Variants in CCNY observed in about 807,000 individuals in gnomAD.
The protein encoded by CCNY is cyclin-Y.
A neutral mutation model predicts 42.8 loss-of-function variants in CCNY; 19 were observed. That is an observed-to-expected ratio of 0.44 (90% CI 0.31 to 0.65). CCNY has a LOEUF of 0.65. Among genes scored for constraint, CCNY ranks in the 30% least tolerant of loss-of-function variants. The pLI is 0.07. For synonymous variants in CCNY, 165 were observed against 162.7 expected (o/e 1.01, Z -0.11); for missense variants, 370 against 437.3 (o/e 0.85, Z 1.37).
intron 3 of CCNY, among the ~76,000 whole-genome samples, chr10:35,298,870 A>T (rs945240933): frequency 2.0e-5 from 3 of 152,104 alleles, no homozygotes; most frequent in Non-Finnish European, 4.4e-5. Context: ...CAAGTTATCT[A>T]TTGATGAATA....
chr10:35,423,250 G>A (rs1056628348), intron 1 of CCNY, among the ~76,000 whole-genome samples: 10 of 152,048 alleles, frequency 6.6e-5, no homozygotes, highest in Admixed American at 3.3e-4. Context: ...CGAGGCAGTT[G>A]GATTGCTTGA....
At chr10:35,322,231 C>A (rs1456650019) in intron 3 of CCNY, among the ~76,000 whole-genome samples, 2 of 151,958 alleles carry the variant, frequency 1.3e-5, no homozygotes, top group South Asian at 2.1e-4. Context: ...GTGCTTGCCT[C>A]CTGTAGTCCC....
At chr10:35,389,401 A>G (rs991819823) in intron 1 of CCNY, among the ~76,000 whole-genome samples, 2 of 142,224 alleles carry the variant, frequency 1.4e-5, no homozygotes, top group Non-Finnish European at 3.1e-5. Context: ...CAACTCCCTG[A>G]TTTTACTTAT....
intron 7 of CCNY, among the ~76,000 whole-genome samples, chr10:35,546,450 C>G (rs191310196): frequency 6.6e-6 from 1 of 152,290 alleles, no homozygotes; most frequent in African/African-American, 2.4e-5. Context: ...AATCTGAAAA[C>G]TTAACTGAGT....
At chr10:35,389,363 GTGTT>G (rs1369139888) in intron 1 of CCNY, among the ~76,000 whole-genome samples, 1 of 151,690 alleles carries the variant, frequency 6.6e-6, no homozygotes, top group Non-Finnish European at 1.5e-5. Context: ...TGCTTAGTAA[GTGTT>G]TGCTGAGCTA....
chr10:35,291,087 CCT>C (rs1564359878), intron 3 of CCNY, among the ~76,000 whole-genome samples: 1 of 151,950 alleles, frequency 6.6e-6, no homozygotes, highest in Non-Finnish European at 1.5e-5. Context: ...CTCACTGCAA[CCT>C]CTGTCTCCTG....
chr10:35,487,176 A>G (rs181106133), intron 2 of CCNY, among the ~76,000 whole-genome samples: 44 of 152,328 alleles, frequency 2.9e-4, no homozygotes, highest in African/African-American at 1.0e-3. Context: ...TTACAAGACC[A>G]CAACTGTGGG....
At chr10:35,280,875 C>T (rs1835292375) in intron 3 of CCNY, among the ~76,000 whole-genome samples, 1 of 152,120 alleles carries the variant, frequency 6.6e-6, no homozygotes, top group Non-Finnish European at 1.5e-5. Context: ...ATATAGACTA[C>T]ATAAAGAGCT....
rs189781349 is a variant in CCNY, at chr10:35,459,787, T to C, written c.155-23617T>C. Among the ~76,000 whole-genome samples, 187 of 152,304 alleles carry C rather than the reference T, an allele frequency of 1.2e-3. 1 individual carries two copies. Among genetic ancestry groups the C allele is most frequent in the Non-Finnish European group, 2.1e-3 (145 of 68,024 alleles). On this transcript the variant is annotated intron_variant, in intron 1 of 9. Transcript: ENST00000374704. ...GGAATGGGCAGATAATTATTATACCTGTTACTTAATCAGATGTGCACTGGA... is the reference window on the plus strand; with the variant it reads ...GGAATGGGCAGATAATTATTATACCCGTTACTTAATCAGATGTGCACTGGA...
chr10:35,531,228 A>G (rs893867157), intron 7 of CCNY, among the ~76,000 whole-genome samples: 3 of 152,344 alleles, frequency 2.0e-5, no homozygotes, highest in South Asian at 4.1e-4. Flanking sequence ...TGCATGAGCT[A>G]TCCTGGAGAT....
chr10:35,402,694 A>G (rs1837669339), intron 1 of CCNY, among the ~76,000 whole-genome samples: 1 of 152,170 alleles, frequency 6.6e-6, no homozygotes, highest in South Asian at 2.1e-4. Context: ...AAGAACAGGA[A>G]TGAGAATAAG....
chr10:35,323,225 G>A (rs910568974), intron 3 of CCNY, among the ~76,000 whole-genome samples: 91 of 151,984 alleles, frequency 6.0e-4, no homozygotes, highest in African/African-American at 1.9e-3. Context: ...CACCGCACTC[G>A]GCTGCCATTT....
intron 3 of CCNY, among the ~76,000 whole-genome samples, chr10:35,513,071 TATATC>T (rs1413228518): frequency 1.3e-5 from 2 of 152,200 alleles, no homozygotes; most frequent in Non-Finnish European, 2.9e-5. Flanking sequence ...TCTTCTTAAA[TATATC>T]ATTCAACAAT....
intron 3 of CCNY, among the ~76,000 whole-genome samples, chr10:35,281,290 ATTAT>A (rs747901500): frequency 5.9e-5 from 9 of 151,678 alleles, no homozygotes; most frequent in East Asian, 1.9e-4. Flanking sequence ...TTATTTATTT[ATTAT>A]TTATTTATTT....
chr10:35,494,239 C>CG (rs1183679602), intron 2 of CCNY, among the ~76,000 whole-genome samples: 1 of 142,608 alleles, frequency 7.0e-6, no homozygotes, highest in Non-Finnish European at 1.5e-5. Context: ...GTGAGACCCC[C>CG]CCCCCCATTT....
chr10:35,363,692 G>A (rs755840481), intron 1 of CCNY, among the ~76,000 whole-genome samples: 3 of 152,164 alleles, frequency 2.0e-5, no homozygotes, highest in Non-Finnish European at 2.9e-5. Flanking sequence ...CGACCTCCCC[G>A]AGACTGACAC....
intron 8 of CCNY, among the ~76,000 whole-genome samples, chr10:35,560,973 A>G (rs1422016556): frequency 6.6e-6 from 1 of 152,186 alleles, no homozygotes; most frequent in Admixed American, 6.5e-5. Flanking sequence ...AAAGATGAGC[A>G]GAGGCACTGC....
At chr10:35,325,514 T>C (rs1328848414) in intron 3 of CCNY, among the ~76,000 whole-genome samples, 1 of 145,080 alleles carries the variant, frequency 6.9e-6, no homozygotes, top group Admixed American at 6.9e-5. Flanking sequence ...AGTTTCGCTC[T>C]TGTTGCTCAG....
chr10:35,560,251 AT>A (rs1159011049), intron 8 of CCNY, among the ~76,000 whole-genome samples: 1 of 152,148 alleles, frequency 6.6e-6, no homozygotes, highest in Non-Finnish European at 1.5e-5. Flanking sequence ...ATGGACATGA[AT>A]TCTGAAGGGC....
Sources: gnomAD v4.1 joint callset for allele counts (sites outside exome capture counted in the v4.1 genomes callset) on GRCh38, gnomAD v4.1.1 for gene constraint, MANE v1.5 for transcripts, NCBI Gene and HGNC (gene_info 2026-07-23, HGNC 2026-07-21) for gene names.